The following SLCO1A2 variants were observed in gnomAD, a reference collection of about 807,000 sequenced individuals.
SLCO1A2 encodes the protein solute carrier organic anion transporter family member 1A2.
In SLCO1A2, 67 loss-of-function variants were observed where a neutral mutation model predicts 69.0. The ratio of observed to expected loss-of-function variants is 0.97; its 90% CI spans 0.80 to 1.19. SLCO1A2 has a LOEUF of 1.19. Ranked by LOEUF, SLCO1A2 falls within the 50% of genes most tolerant of loss-of-function variation. SLCO1A2 has a pLI of 0.00. For missense variants in SLCO1A2, 787 were observed against 793.7 expected, an observed-to-expected ratio of 0.99 and a Z score of 0.10; for synonymous variants, 260 against 265.9, an observed-to-expected ratio of 0.98 and a Z score of 0.22.
At chr12:21,369,791 A>G (rs1047290046) in intron 2 of SLCO1A2, among the ~76,000 whole-genome samples, 7 of 152,224 alleles carry the variant, frequency 4.6e-5, no homozygotes, top group African/African-American at 1.7e-4. Context: ...TTGACTTAGC[A>G]AGGCTAGAGG....
chr12:21,297,146 C>G (rs1947837765), intron 9 of SLCO1A2, among the ~76,000 whole-genome samples: 1 of 152,154 alleles, frequency 6.6e-6, no homozygotes, highest in Non-Finnish European at 1.5e-5. Flanking sequence ...ATTCTGACTT[C>G]AGAGAGAAGA....
intron 4 of SLCO1A2, among the ~76,000 whole-genome samples, chr12:21,314,088 G>A (rs992698972): frequency 6.6e-6 from 1 of 151,954 alleles, no homozygotes; most frequent in African/African-American, 2.4e-5. Context: ...TGACAAGGGA[G>A]ACCTTTTTGT....
intron 4 of SLCO1A2, among the ~76,000 whole-genome samples, chr12:21,310,096 A>G (rs931285480): frequency 1.5e-4 from 23 of 152,232 alleles, no homozygotes; most frequent in Non-Finnish European, 2.2e-4. Flanking sequence ...GTGGTAAAAA[A>G]GATTTACATA....
upstream of SLCO1A2, among the ~76,000 whole-genome samples, chr12:21,398,858 A>G (rs1360974634): frequency 2.7e-5 from 4 of 148,646 alleles, no homozygotes; most frequent in Non-Finnish European, 5.9e-5. Flanking sequence ...TAAATTAGGT[A>G]TTGATGGGAT....
intron 2 of SLCO1A2, among the ~76,000 whole-genome samples, chr12:21,341,343 T>C (rs1953061934): frequency 1.3e-5 from 2 of 152,178 alleles, no homozygotes; most frequent in South Asian, 4.1e-4. Context: ...GTGGTTGATT[T>C]TATTTTTCCT....
At chr12:21,330,338 A>T (rs1244109497) in intron 2 of SLCO1A2, among the ~76,000 whole-genome samples, 3 of 151,386 alleles carry the variant, frequency 2.0e-5, no homozygotes, top group Non-Finnish European at 4.4e-5. Flanking sequence ...TAAATAATAC[A>T]AAATAAATAA....
intron 1 of SLCO1A2, among the ~76,000 whole-genome samples, chr12:21,376,962 C>T (rs1341765701): frequency 9.9e-5 from 15 of 152,066 alleles, no homozygotes; most frequent in Admixed American, 9.8e-4. Flanking sequence ...TGTTATTATT[C>T]TGCATCCATT....
At chr12:21,402,066 A>G (rs1941723575) in intron 1 of SLCO1A2, among the ~76,000 whole-genome samples, 1 of 151,410 alleles carries the variant, frequency 6.6e-6, no homozygotes, top group Non-Finnish European at 1.5e-5. Flanking sequence ...TTTAATGTTA[A>G]AATAAAATGT....
At chr12:21,395,540 C>A (rs939251724), upstream of SLCO1A2, 2 of 152,614 alleles carry the variant, frequency 1.3e-5, no homozygotes, top group African/African-American at 4.8e-5. Context: ...GAAGGCCTGC[C>A]TGCCTCTGTA....
rs560636691 is a variant in SLCO1A2, at chr12:21,363,347, T to C, written c.-63+11052A>G. Among the ~76,000 whole-genome samples the C allele has an allele frequency of 8.7e-3, 1,323 of 152,130 alleles. 16 individuals are homozygous for C. The highest frequency in any genetic ancestry group is 0.03 in the African/African-American group (1,238 of 41,456). On this transcript the variant is annotated intron_variant, in intron 2 of 15. Coordinates refer to the SLCO1A2 transcript ENST00000307378. ...AAATAAAGATGTTCTTTGAAACGAATGAGAACAAAGACACAACATACCAGA... is the reference window on the plus strand; with the variant it reads ...AAATAAAGATGTTCTTTGAAACGAACGAGAACAAAGACACAACATACCAGA...
Position 21,269,536 on chromosome 12 carries a change from A to G in SLCO1A2, c.*12T>C. On this transcript the variant is annotated 3_prime_UTR_variant, in exon 15 of 15. Transcript: ENST00000683939. ...GTTCTCTAATTCTGAAAAAAGTAAT[A>G]TAATAGGACAATTACAATTTAGTTT... is the stretch of plus-strand genomic sequence containing the variant. 1 of 1,584,046 alleles carries G rather than the reference A, an allele frequency of 6.3e-7. No homozygotes were observed. The highest frequency in any genetic ancestry group is 1.1e-5 in the South Asian group (1 of 89,746).
intron 1 of SLCO1A2, among the ~76,000 whole-genome samples, chr12:21,389,202 A>T (rs1941035702): frequency 6.6e-6 from 1 of 152,178 alleles, no homozygotes; most frequent in East Asian, 1.9e-4. Context: ...AGGCAACAAG[A>T]TATCAATTTA....
In SLCO1A2 at chr12:21,295,747, C is replaced by G. The variant is rs145389298; in HGVS notation, c.1121G>C (p.Gly374Ala). 99 of 1,600,884 alleles carry G rather than the reference C, an allele frequency of 6.2e-5. No individual in the cohort carries two copies. Among genetic ancestry groups the G allele is most frequent in the Non-Finnish European group, 2.2e-5 (26 of 1,168,502 alleles). The change falls in exon 10 of 15, where the codon GGT becomes GCT. Residue 374 changes from glycine to alanine, a missense_variant. Coordinates refer to ENST00000683939, the MANE Select transcript of SLCO1A2 (RefSeq NM_001386879.1). ...PPICIGYIIG[G>A]LIMKKFKITV... ...AATCTTGAACTTCTTCATAATTAAA[C>G]CACCAATTATATATCCAATACATAT... is the stretch of plus-strand genomic sequence containing the variant.
chr12:21,394,366 T>TACAC (rs71043268), intron 1 of SLCO1A2, among the ~76,000 whole-genome samples: 15,161 of 147,488 alleles, frequency 0.1, 852 homozygotes, highest in Middle Eastern at 0.15. Context: ...ACCACATCTT[T>TACAC]ACACACACAC....
chr12:21,318,669 A>G, intron 3 of SLCO1A2, 113 bp downstream of exon 3: 1 of 842,738 alleles, frequency 1.2e-6, no homozygotes, highest in Non-Finnish European at 1.8e-6. Flanking sequence ...TAGAAAACTT[A>G]TAACTCGGTC....
At chr12:21,328,241 T>C (rs1377260469) in intron 2 of SLCO1A2, among the ~76,000 whole-genome samples, 1 of 152,112 alleles carries the variant, frequency 6.6e-6, no homozygotes, top group Non-Finnish European at 1.5e-5. Context: ...TATCTTCCTT[T>C]GAAATAGATA....
intron 5 of SLCO1A2, among the ~76,000 whole-genome samples, chr12:21,306,607 G>A (rs182321020): frequency 1.5e-4 from 23 of 152,266 alleles, no homozygotes; most frequent in Admixed American, 4.6e-4. Context: ...GATTACAGGC[G>A]TGAGCCACTG....
At position 21,293,464 on chromosome 12, in the gene SLCO1A2, T is replaced by G. The variant is rs146193597; in HGVS notation, c.1437+481A>C. 2.3e-3 allele frequency among the ~76,000 whole-genome samples: 352 copies of G among 152,184 alleles called. 1 individual carries two copies. Among genetic ancestry groups the G allele is most frequent in the Non-Finnish European group, 3.6e-3 (244 of 67,996 alleles). On this transcript the variant is annotated intron_variant, in intron 11 of 14. Transcript: ENST00000683939. The stretch of plus-strand genomic sequence containing the variant: ...TATTACAATTGATGTTATATTATAT[T>G]GTGATATCTTAGAGGCAAGAGAACA...
chr12:21,310,794 G>A (rs908621109), intron 4 of SLCO1A2, among the ~76,000 whole-genome samples: 6 of 152,200 alleles, frequency 3.9e-5, no homozygotes, highest in East Asian at 3.9e-4. Flanking sequence ...TAGTAGAGAC[G>A]GGGTTTCACC....
Sources: allele counts gnomAD v4.1 joint callset (sites outside exome capture counted in the v4.1 genomes callset), GRCh38; gene constraint gnomAD v4.1.1; transcripts MANE v1.5; gene names NCBI Gene and HGNC (gene_info 2026-07-23, HGNC 2026-07-21).